The following TMEM9 variants were observed in gnomAD, a reference collection of about 807,000 sequenced individuals.
TMEM9 encodes proton-transporting V-type ATPase complex assembly regulator TMEM9.
TMEM9 carries 13 observed loss-of-function variants against 22.8 expected under a neutral mutation model. That is an observed-to-expected ratio of 0.57 (90% CI 0.37 to 0.91). The LOEUF (loss-of-function observed/expected upper bound fraction) is 0.91. Among genes scored for constraint, TMEM9 ranks in the 40% least tolerant of loss-of-function variants. TMEM9 has a pLI of 0.01. For synonymous variants in TMEM9, 88 were observed against 93.0 expected, an observed-to-expected ratio of 0.95 and a Z score of 0.31; for missense variants, 182 against 238.1, an observed-to-expected ratio of 0.76 and a Z score of 1.55.
chr1:201,151,663 T>A (rs1173331140), intron 2 of TMEM9, 98 bp downstream of exon 2: 2 of 844,362 alleles, frequency 2.4e-6, no homozygotes, highest in South Asian at 1.5e-5. Context: ...TCCATAGGAA[T>A]GGGAGAGCAT....
intron 1 of TMEM9, among the ~76,000 whole-genome samples, chr1:201,166,989 T>C (rs1239891070): frequency 2.0e-5 from 3 of 152,256 alleles, no homozygotes; most frequent in Non-Finnish European, 4.4e-5. Context: ...AAGTGTGCTA[T>C]GTGTATGCAA....
intron 1 of TMEM9, among the ~76,000 whole-genome samples, chr1:201,164,486 GATT>G (rs1237694100): frequency 1.3e-5 from 2 of 152,122 alleles, no homozygotes; most frequent in African/African-American, 4.8e-5. Flanking sequence ...ATTTTGCTTT[GATT>G]ATTAAGCTGA....
chr1:201,135,577 G>A lies in TMEM9; in HGVS notation c.*86C>T. ...TTTTAAAGGGAAGACTGGAACCGAG[G>A]GAAGGGAGAAGTAGCCCCCTGCTTT... On this transcript the variant is annotated 3_prime_UTR_variant, in exon 5 of 5. Transcript: ENST00000367330. 3 of 1,358,352 alleles carry A rather than the reference G, an allele frequency of 2.2e-6. No individual in the cohort carries two copies. The highest frequency in any genetic ancestry group is 2.9e-6 in the Non-Finnish European group (3 of 1,017,350). 84.1% of individuals were successfully genotyped at this position (1,358,352 alleles called of 1,614,324 possible). A position where few individuals can be genotyped will look rare whatever the true frequency, so the allele number is the denominator to read the frequency against.
intron 4 of TMEM9, among the ~76,000 whole-genome samples, chr1:201,143,548 G>T (rs1664707838): frequency 6.6e-6 from 1 of 152,224 alleles, no homozygotes; most frequent in South Asian, 2.1e-4. Flanking sequence ...CTGGCTGGCT[G>T]CGCCCCCTCT....
chr1:201,135,898 C>T (rs1334633160), intron 4 of TMEM9, 83 bp from the exon 5 acceptor site: 16 of 1,395,966 alleles, frequency 1.1e-5, no homozygotes, highest in Non-Finnish European at 1.2e-5. Context: ...ATGGAAAGAA[C>T]GAACCCCAAA....
intron 2 of TMEM9, among the ~76,000 whole-genome samples, chr1:201,150,454 C>T (rs550255067): frequency 2.1e-4 from 32 of 152,278 alleles, no homozygotes; most frequent in Middle Eastern, 6.8e-3. Flanking sequence ...TGCACATACA[C>T]GCACAACACA....
upstream of TMEM9, among the ~76,000 whole-genome samples, chr1:201,155,634 G>A (rs1237727119): frequency 6.6e-6 from 1 of 152,184 alleles, no homozygotes; most frequent in African/African-American, 2.4e-5. Context: ...GGCCTGCAGT[G>A]TGATGCAAAG....
At chr1:201,161,240 T>C (rs1203473468) in intron 1 of TMEM9, among the ~76,000 whole-genome samples, 1 of 152,166 alleles carries the variant, frequency 6.6e-6, no homozygotes, top group Non-Finnish European at 1.5e-5. Context: ...ATATCACATG[T>C]CATCTAACCT....
upstream of TMEM9, among the ~76,000 whole-genome samples, chr1:201,155,083 GGCT>G (rs1459213668): frequency 6.6e-6 from 1 of 152,152 alleles, no homozygotes; most frequent in African/African-American, 2.4e-5. Context: ...GAGGGTCCCT[GGCT>G]GCTATGTGGC....
chr1:201,167,624 A>G (rs1666110384), intron 1 of TMEM9, among the ~76,000 whole-genome samples: 1 of 152,216 alleles, frequency 6.6e-6, no homozygotes, highest in African/African-American at 2.4e-5. Flanking sequence ...CTATCCTGCT[A>G]GCCTGGTGGT....
At chr1:201,138,113 G>C (rs1284728813) in intron 4 of TMEM9, among the ~76,000 whole-genome samples, 1 of 152,040 alleles carries the variant, frequency 6.6e-6, no homozygotes, top group Admixed American at 6.5e-5. Flanking sequence ...CTCATGACAG[G>C]GCTCCAGTGT....
At chr1:201,152,787 G>A (rs1392184630) in intron 1 of TMEM9, among the ~76,000 whole-genome samples, 1 of 152,198 alleles carries the variant, frequency 6.6e-6, no homozygotes, top group African/African-American at 2.4e-5. Context: ...TGTTAACATT[G>A]CAGAAAAGCA....
intron 1 of TMEM9, among the ~76,000 whole-genome samples, chr1:201,160,907 G>C (rs1210726285): frequency 4.0e-5 from 6 of 150,190 alleles, no homozygotes; most frequent in Admixed American, 2.7e-4. Context: ...CTGCACTCCA[G>C]CCTGGGGGAC....
intron 2 of TMEM9, among the ~76,000 whole-genome samples, chr1:201,148,704 T>C (rs1013179685): frequency 2.6e-5 from 4 of 152,166 alleles, no homozygotes; most frequent in Non-Finnish European, 5.9e-5. Flanking sequence ...ATGTGTTGGA[T>C]TAAGAATGGG....
chr1:201,166,868 C>T (rs899177556), intron 1 of TMEM9, among the ~76,000 whole-genome samples: 9 of 152,116 alleles, frequency 5.9e-5, no homozygotes, highest in Admixed American at 3.3e-4. Context: ...CTGGTTCTGC[C>T]GCAGCTCTGC....
chr1:201,166,615 A>T (rs1666085826), intron 1 of TMEM9, among the ~76,000 whole-genome samples: 1 of 152,076 alleles, frequency 6.6e-6, no homozygotes, highest in South Asian at 2.1e-4. Flanking sequence ...CGCCTGCGTT[A>T]GTCTCCCAAA....
chr1:201,136,309 G>C (rs150431885), intron 4 of TMEM9, among the ~76,000 whole-genome samples: 180 of 152,326 alleles, frequency 1.2e-3, no homozygotes, highest in Admixed American at 2.1e-3. Flanking sequence ...CTAGGCTAGA[G>C]AACTCCCCTG....
At chr1:201,147,818 CG>C (rs1351009446) in intron 2 of TMEM9, among the ~76,000 whole-genome samples, 3 of 152,188 alleles carry the variant, frequency 2.0e-5, no homozygotes, top group Non-Finnish European at 4.4e-5. Context: ...TCCAGCCACA[CG>C]GATCTGCCAG....
intron 2 of TMEM9, among the ~76,000 whole-genome samples, chr1:201,150,212 G>A (rs576659933): frequency 6.6e-6 from 1 of 152,300 alleles, no homozygotes; most frequent in African/African-American, 2.4e-5. Flanking sequence ...AGTTTTTACT[G>A]ATGCTATTTG....
Sources: allele counts gnomAD v4.1 joint callset (sites outside exome capture counted in the v4.1 genomes callset), GRCh38; gene constraint gnomAD v4.1.1; transcripts MANE v1.5; gene names NCBI Gene and HGNC (gene_info 2026-07-23, HGNC 2026-07-21).